CHD1L: variants seen among roughly 807,000 people sequenced by gnomAD.
The protein encoded by CHD1L is ATP-dependent chromatin remodeler CHD1L.
A neutral mutation model predicts 115.9 loss-of-function variants in CHD1L; 118 were observed. That is an observed-to-expected ratio of 1.02 (90% confidence interval 0.88 to 1.19). The LOEUF (loss-of-function observed/expected upper bound fraction) is 1.19. CHD1L is among the 50% of genes most tolerant of loss of function. The pLI is 0.00. For missense variants in CHD1L, 1,179 were observed against 1,065.3 expected, an observed-to-expected ratio of 1.11 and a Z score of -1.49; for synonymous variants, 411 against 387.1, an observed-to-expected ratio of 1.06 and a Z score of -0.72.
At position 147,284,360 on chromosome 1, in the gene CHD1L, T is replaced by C. The variant is rs1553963839; in HGVS notation, c.1715T>C (p.Met572Thr). Residue 572 changes from methionine to threonine, a missense_variant, in exon 16 of 23, where the codon ATG (methionine) becomes ACG (threonine). Coordinates refer to ENST00000369258, the MANE Select transcript of CHD1L (RefSeq NM_004284.6). ...SRDQEEGKNHMYLFEGKDYSK... is the reference protein window; with the variant it reads ...SRDQEEGKNHTYLFEGKDYSK... ...TGTTTTATGTTGTTAGAAAATCATA[T>C]GTACTTATTTGAAGGTAAAGATTAT... 1 of 1,570,006 alleles carries C rather than the reference T, an allele frequency of 6.4e-7. No homozygotes were observed. The highest frequency in any genetic ancestry group is 1.2e-5 in the South Asian group (1 of 85,282).
At chr1:147,275,303 A>G in intron 12 of CHD1L, 51 bp from the exon 13 acceptor site, 1 of 1,363,070 alleles carries the variant, frequency 7.3e-7, no homozygotes, top group Non-Finnish European at 1.1e-6. Flanking sequence ...CTTATTTTCT[A>G]GCTCCTCGTC....
chr1:147,194,055 G>A, the CHD1L span, among the ~76,000 whole-genome samples: 1 of 151,958 alleles, frequency 6.6e-6, no homozygotes, highest in Non-Finnish European at 1.5e-5. Flanking sequence ...CAATTCCTGG[G>A]TATCCTTGTT....
At chr1:147,266,127 G>C in intron 8 of CHD1L, 40 bp downstream of exon 8, 2 of 1,557,918 alleles carry the variant, frequency 1.3e-6, no homozygotes, top group Non-Finnish European at 1.7e-6. Context: ...ACTAAATGAG[G>C]ATGTGATTTC....
chr1:147,290,588 T>A (rs1317225200), intron 19 of CHD1L, among the ~76,000 whole-genome samples: 5 of 152,138 alleles, frequency 3.3e-5, no homozygotes, highest in African/African-American at 1.2e-4. Flanking sequence ...TTGTGATAGT[T>A]CTTGTTATCA....
At chr1:147,224,501 A>T in the CHD1L span, among the ~76,000 whole-genome samples, 42 of 152,208 alleles carry the variant, frequency 2.8e-4, no homozygotes, top group African/African-American at 9.9e-4. Flanking sequence ...TAATAAGTTT[A>T]ACTATCTTTT....
chr1:147,244,307 A>G (rs1339235684), intron 1 of CHD1L, among the ~76,000 whole-genome samples: 3 of 152,180 alleles, frequency 2.0e-5, no homozygotes, highest in Admixed American at 2.0e-4. Context: ...GTAAATTCAG[A>G]ATTAAGTAGG....
intron 1 of CHD1L, among the ~76,000 whole-genome samples, chr1:147,251,289 C>A (rs1252876404): frequency 1.3e-5 from 2 of 152,164 alleles, no homozygotes; most frequent in Non-Finnish European, 2.9e-5. Flanking sequence ...ACTACCCTGC[C>A]TTCCGCAGGC....
At chr1:147,288,323 A>ATT (rs1553967767) in intron 19 of CHD1L, among the ~76,000 whole-genome samples, 61 of 4,322 alleles carry the variant, frequency 0.014, 1 homozygote, top group Middle Eastern at 0.071. Flanking sequence ...ACCCTGTTTC[A>ATT]ATAAAAAAAA....
chr1:147,265,866 C>A, intron 7 of CHD1L, 66 bp from the exon 8 acceptor site: 2 of 1,446,138 alleles, frequency 1.4e-6, no homozygotes, highest in South Asian at 1.4e-5. Flanking sequence ...TCTTTAAGTT[C>A]TCTAGGGTTC....
chr1:147,226,584 G>A, the CHD1L span, among the ~76,000 whole-genome samples: 1 of 152,020 alleles, frequency 6.6e-6, no homozygotes, highest in Non-Finnish European at 1.5e-5. Context: ...TTAGAACAAG[G>A]GCCCATCCAG....
chr1:147,275,953 A>G (rs1553957415), intron 13 of CHD1L, 151 bp from the exon 14 acceptor site: 1 of 699,292 alleles, frequency 1.4e-6, no homozygotes, highest in Non-Finnish European at 2.4e-6. Flanking sequence ...CTCTCTAACA[A>G]GTGCTCAGGA....
chr1:147,212,383 T>C, the CHD1L span: 1 of 1,613,472 alleles, frequency 6.2e-7, no homozygotes, highest in African/African-American at 1.3e-5. Flanking sequence ...AATAATTGAG[T>C]GATTCAAACC....
At chr1:147,292,083 C>T (rs782339060) in intron 20 of CHD1L, among the ~76,000 whole-genome samples, 16 of 152,148 alleles carry the variant, frequency 1.1e-4, no homozygotes, top group African/African-American at 3.1e-4. Flanking sequence ...CATCTGTCCC[C>T]GGAGCACCGT....
chr1:147,266,123 T>C (rs1673829503), intron 8 of CHD1L, 36 bp downstream of exon 8: 1 of 1,570,840 alleles, frequency 6.4e-7, no homozygotes, highest in Non-Finnish European at 8.7e-7. Flanking sequence ...AGAAACTAAA[T>C]GAGGATGTGA....
At chr1:147,275,491 C>T (rs1553956961) in intron 13 of CHD1L, 23 bp downstream of exon 13, 3 of 1,567,016 alleles carry the variant, frequency 1.9e-6, no homozygotes, top group Admixed American at 1.7e-5. Context: ...TTTCTGCTTC[C>T]TTGGCTTGCC....
At chr1:147,208,230 C>G in the CHD1L span, among the ~76,000 whole-genome samples, 1 of 152,070 alleles carries the variant, frequency 6.6e-6, no homozygotes, top group African/African-American at 2.4e-5. Context: ...AACAGGTACT[C>G]AATGAGTAAA....
intron 21 of CHD1L, 47 bp from the exon 22 acceptor site, chr1:147,294,362 A>T (rs1307797158): frequency 7.3e-7 from 1 of 1,377,338 alleles, no homozygotes; most frequent in Admixed American, 1.9e-5. Context: ...TATACCCATC[A>T]ATCAATTTTT....
chr1:147,234,252 C>T, the CHD1L span, among the ~76,000 whole-genome samples: 1 of 152,188 alleles, frequency 6.6e-6, no homozygotes, highest in Non-Finnish European at 1.5e-5. Context: ...ATTGTGATGG[C>T]CCCCTGCTCC....
intron 19 of CHD1L, among the ~76,000 whole-genome samples, chr1:147,291,096 A>G: frequency 6.6e-6 from 1 of 152,226 alleles, no homozygotes; most frequent in East Asian, 1.9e-4. Flanking sequence ...AAAATATATT[A>G]TACAAACAGG....
Sources: allele counts gnomAD v4.1 joint callset (sites outside exome capture counted in the v4.1 genomes callset), GRCh38; gene constraint gnomAD v4.1.1; transcripts MANE v1.5; gene names NCBI Gene and HGNC (gene_info 2026-07-23, HGNC 2026-07-21).